The following XKR9 variants were observed in gnomAD, a reference collection of about 807,000 sequenced individuals.
XKR9 encodes the protein XK-related protein 9.
A neutral mutation model predicts 32.0 loss-of-function variants in XKR9; 32 were observed. The ratio of observed to expected loss-of-function variants is 1.00; its 90% CI spans 0.76 to 1.34. XKR9 has a LOEUF of 1.34. Ranked by LOEUF, XKR9 falls within the 40% of genes most tolerant of loss-of-function variation. XKR9 has a pLI of 0.00. For missense variants in XKR9, 546 were observed against 429.7 expected (o/e 1.27, Z -2.39); for synonymous variants, 168 against 143.4 (o/e 1.17, Z -1.22).
chr8:70,701,225 T>G (rs551196408), intron 3 of XKR9, among the ~76,000 whole-genome samples: 18 of 152,298 alleles, frequency 1.2e-4, no homozygotes, highest in Admixed American at 8.5e-4. Flanking sequence ...CACTCCCTAG[T>G]GAGATGAACA....
the XKR9 span, among the ~76,000 whole-genome samples, chr8:70,822,492 T>C: frequency 4.6e-5 from 7 of 151,858 alleles, no homozygotes; most frequent in African/African-American, 1.4e-4. Flanking sequence ...CTAAAAGTAT[T>C]ACTCTACTTA....
the XKR9 span, among the ~76,000 whole-genome samples, chr8:71,035,933 A>G: frequency 1.3e-5 from 2 of 152,192 alleles, no homozygotes; most frequent in Non-Finnish European, 2.9e-5. Context: ...ACACAGGAAT[A>G]CAGAGAAGAA....
the XKR9 span, among the ~76,000 whole-genome samples, chr8:70,806,406 C>T: frequency 1.3e-5 from 2 of 152,092 alleles, no homozygotes; most frequent in African/African-American, 4.8e-5. Context: ...CAGAACTGGA[C>T]GGATAATGAG....
At chr8:70,781,570 C>T (rs1200723591) in intron 2 of XKR9, among the ~76,000 whole-genome samples, 5 of 149,438 alleles carry the variant, frequency 3.3e-5, no homozygotes, top group African/African-American at 9.8e-5. Flanking sequence ...AAAAAGAGTT[C>T]CCTTTTCTTT....
At chr8:70,769,531 T>A (rs2380688) in intron 2 of XKR9, among the ~76,000 whole-genome samples, 47 of 151,950 alleles carry the variant, frequency 3.1e-4, no homozygotes, top group Non-Finnish European at 1.3e-4. Flanking sequence ...CTGAAGTGTG[T>A]TTTCCAACTT....
the XKR9 span, among the ~76,000 whole-genome samples, chr8:71,013,225 C>T: frequency 2.6e-5 from 4 of 152,110 alleles, no homozygotes; most frequent in South Asian, 2.1e-4. Flanking sequence ...ATGGAGGGGG[C>T]GGCCTGAATA....
chr8:70,691,349 C>A (rs1805063099), intron 3 of XKR9, among the ~76,000 whole-genome samples: 1 of 152,124 alleles, frequency 6.6e-6, no homozygotes, highest in African/African-American at 2.4e-5. Flanking sequence ...TTCTTTCTCC[C>A]ATTTTGTAGG....
chr8:70,754,786 G>T (rs1266092437), intron 2 of XKR9, among the ~76,000 whole-genome samples: 1 of 151,822 alleles, frequency 6.6e-6, no homozygotes, highest in Non-Finnish European at 1.5e-5. Flanking sequence ...AGACTTACAT[G>T]TTAGACCTAA....
At chr8:70,859,217 A>G in the XKR9 span, among the ~76,000 whole-genome samples, 95 of 152,314 alleles carry the variant, frequency 6.2e-4, no homozygotes, top group South Asian at 0.02. Context: ...TCTCAAAAAA[A>G]GACATAAAAA....
At chr8:71,046,458 A>G in the XKR9 span, among the ~76,000 whole-genome samples, 1 of 152,350 alleles carries the variant, frequency 6.6e-6, no homozygotes, top group South Asian at 2.1e-4. Context: ...CAGGGACTTA[A>G]TCTGCTTTCA....
intron 2 of XKR9, among the ~76,000 whole-genome samples, chr8:70,751,447 CAACTT>C (rs961058352): frequency 1.2e-4 from 19 of 152,060 alleles, no homozygotes; most frequent in African/African-American, 1.7e-4. Flanking sequence ...TTTTAGGTGT[CAACTT>C]GACTGGGTAA....
chr8:70,882,542 T>TTTTTTAAA, the XKR9 span, among the ~76,000 whole-genome samples: 1 of 151,958 alleles, frequency 6.6e-6, no homozygotes, highest in Non-Finnish European at 1.5e-5. Flanking sequence ...TGGTATAGTA[T>TTTTTTAAA]GAGTTTAAAA....
chr8:70,697,719 C>T (rs1586826405), intron 3 of XKR9, among the ~76,000 whole-genome samples: 3 of 151,894 alleles, frequency 2.0e-5, no homozygotes, highest in African/African-American at 7.3e-5. Flanking sequence ...AGGGAGGATT[C>T]CCTCTTTTTC....
the XKR9 span, among the ~76,000 whole-genome samples, chr8:71,055,465 GAGA>G: frequency 0.064 from 9,793 of 152,240 alleles, 451 homozygotes; most frequent in Non-Finnish European, 0.092. Context: ...GAAGATGGGA[GAGA>G]AGGAGAATGT....
the XKR9 span, among the ~76,000 whole-genome samples, chr8:70,934,494 T>C: frequency 6.6e-6 from 1 of 152,066 alleles, no homozygotes; most frequent in East Asian, 1.9e-4. Flanking sequence ...GCAAAACAAC[T>C]CATAGACAAA....
At chr8:70,856,648 A>G in the XKR9 span, among the ~76,000 whole-genome samples, 1 of 152,196 alleles carries the variant, frequency 6.6e-6, no homozygotes, top group Non-Finnish European at 1.5e-5. Context: ...AGAACTCTTC[A>G]CCCCAAATCA....
chr8:70,863,563 C>T, the XKR9 span, among the ~76,000 whole-genome samples: 1 of 152,004 alleles, frequency 6.6e-6, no homozygotes, highest in African/African-American at 2.4e-5. Flanking sequence ...CCTCTAAATG[C>T]AAAACTGTTG....
chr8:71,006,134 G>T, the XKR9 span, among the ~76,000 whole-genome samples: 1 of 152,240 alleles, frequency 6.6e-6, no homozygotes, highest in Non-Finnish European at 1.5e-5. Flanking sequence ...AGTACTGAGT[G>T]AAAGTTAAAT....
chr8:70,929,570 G>C, the XKR9 span, among the ~76,000 whole-genome samples: 1 of 152,136 alleles, frequency 6.6e-6, no homozygotes, highest in South Asian at 2.1e-4. Flanking sequence ...CTCCATCTAG[G>C]CTTATTTGGG....
Sources: allele counts gnomAD v4.1 joint callset (sites outside exome capture counted in the v4.1 genomes callset), GRCh38; gene constraint gnomAD v4.1.1; transcripts MANE v1.5; gene names NCBI Gene and HGNC (gene_info 2026-07-23, HGNC 2026-07-21).